Variants in MATR3 observed in about 807,000 individuals in gnomAD.
MATR3 encodes the protein matrin 3, also known as matrin-3.
A neutral mutation model predicts 85.5 loss-of-function variants in MATR3; 4 were observed. That is an observed-to-expected ratio of 0.05 (90% CI 0.02 to 0.11). The LOEUF is 0.11. Ranked by LOEUF, MATR3 falls within the 10% of genes least tolerant of loss-of-function variation. The pLI is 1.00. For synonymous variants in MATR3, 336 were observed against 343.1 expected (o/e 0.98, Z 0.23); for missense variants, 685 against 1,016.1 (o/e 0.67, Z 4.43).
intron 10 of MATR3, 33 bp from the exon 11 acceptor site, chr5:139,322,430 T>G (rs1755618855): frequency 6.3e-7 from 1 of 1,579,226 alleles, no homozygotes; most frequent in East Asian, 2.2e-5. Flanking sequence ...ATTCTGCAAA[T>G]GTGTTAACTT....
Position 139,330,762 on chromosome 5 carries a change from A to G in MATR3, c.*1367A>G, listed in dbSNP as rs1484378401. 2 of 454,114 alleles carry G rather than the reference A, an allele frequency of 4.4e-6. No individual in the cohort carries two copies. Among genetic ancestry groups the G allele is most frequent in the African/African-American group, 2.0e-5 (1 of 50,128 alleles). 28.1% of individuals were successfully genotyped at this position (454,114 alleles called of 1,614,324 possible). A position where few individuals can be genotyped will look rare whatever the true frequency, so the allele number is the denominator to read the frequency against. Reference sequence around the variant, plus strand: ...CTGCAGCTTTTCAAAATAATTACGTAGAGACTCTTGGTATATTGGATTATC... The same window carrying G: ...CTGCAGCTTTTCAAAATAATTACGTGGAGACTCTTGGTATATTGGATTATC... On this transcript the variant is annotated 3_prime_UTR_variant, in exon 15 of 15. Coordinates refer to ENST00000394805, the MANE Select transcript of MATR3 (RefSeq NM_018834.6).
chr5:139,315,646 T>C (rs778860132), intron 3 of MATR3, 51 bp from the exon 4 acceptor site: 5 of 1,263,786 alleles, frequency 4.0e-6, no homozygotes, highest in African/African-American at 2.9e-5. Context: ...CAAGGCTGTT[T>C]TGTGAAAAGG....
rs117699317 is a variant in MATR3 at position 139,314,539 on chromosome 5, A to G, written c.913-136A>G. 920 of 709,002 alleles carry G rather than the reference A, an allele frequency of 1.3e-3. 13 individuals are homozygous for G. In the East Asian group the frequency reaches 0.022, roughly 17 times the overall value. 43.9% of individuals were successfully genotyped at this position (709,002 alleles called of 1,614,324 possible). On this transcript the variant is annotated intron_variant, in intron 2 of 14. Coordinates refer to ENST00000394805, the MANE Select transcript of MATR3 (RefSeq NM_018834.6). The stretch of plus-strand genomic sequence containing the variant: ...AGAGAAATGGTTTTAAATTAAATCA[A>G]TGTGATTTAGTGAATGGGCAGGTGT...
chr5:139,306,973 T>C (rs1754743722), intron 1 of MATR3, among the ~76,000 whole-genome samples: 1 of 152,172 alleles, frequency 6.6e-6, no homozygotes, highest in African/African-American at 2.4e-5. Context: ...TACTCAGACA[T>C]CTAACCTTTC....
At chr5:139,294,055 G>T (rs960800389) in intron 1 of MATR3, 50 of 1,251,742 alleles carry the variant, frequency 4.0e-5, no homozygotes, top group Non-Finnish European at 4.7e-5. Flanking sequence ...GGAAACACGC[G>T]GCCGGCCAAG....
At chr5:139,283,871 T>C (rs1357395433) in intron 3 of MATR3, among the ~76,000 whole-genome samples, 3 of 152,248 alleles carry the variant, frequency 2.0e-5, no homozygotes, top group Non-Finnish European at 4.4e-5. Flanking sequence ...CTACACATGC[T>C]GTTTTTCCCT....
At chr5:139,325,259 G>T in intron 12 of MATR3, 181 bp from the exon 13 acceptor site, 1 of 1,549,756 alleles carries the variant, frequency 6.5e-7, no homozygotes, top group Non-Finnish European at 8.7e-7. Flanking sequence ...GATGCTGCAG[G>T]ATAATTGTTG....
At chr5:139,326,398 C>G (rs1755853040) in intron 14 of MATR3, 114 bp downstream of exon 14, 1 of 901,394 alleles carries the variant, frequency 1.1e-6, no homozygotes, top group South Asian at 1.6e-5. Flanking sequence ...GCAGTGCTTT[C>G]TCCTGAAGAT....
At chr5:139,297,835 G>A (rs1004207669) in intron 1 of MATR3, among the ~76,000 whole-genome samples, 2 of 152,182 alleles carry the variant, frequency 1.3e-5, no homozygotes, top group Non-Finnish European at 2.9e-5. Flanking sequence ...TTTAAAGTAT[G>A]CTTGCTCCCC....
intron 1 of MATR3, chr5:139,276,110 T>C (rs954090460): frequency 2.2e-6 from 1 of 456,626 alleles, no homozygotes; most frequent in African/African-American, 2.0e-5. Context: ...CCTGGAGTTG[T>C]TTCATTGCAG....
At chr5:139,288,286 CCTGTTATATTTCTTTTG>C (rs11267815) in intron 3 of MATR3, among the ~76,000 whole-genome samples, 20,643 of 152,160 alleles carry the variant, frequency 0.14, 1,926 homozygotes, top group East Asian at 0.46. Context: ...CCCCTAAGCA[CCTGTTATATTTCTTTTG>C]AATCTCCCAC....
At chr5:139,276,379 T>C (rs1017316355) in intron 2 of MATR3, 19 of 367,472 alleles carry the variant, frequency 5.2e-5, no homozygotes, top group South Asian at 3.2e-4. Context: ...ATTGGAAGGA[T>C]AAGAATTGTC....
chr5:139,291,045 G>A (rs1252966197), upstream of MATR3, among the ~76,000 whole-genome samples: 3 of 152,172 alleles, frequency 2.0e-5, no homozygotes, highest in African/African-American at 2.4e-5. Context: ...GCTTAAACCC[G>A]GGACGCAGAG....
chr5:139,307,700 C>G lies in MATR3; in HGVS notation c.285C>G (p.Leu95=). The part of the protein sequence containing the change: ...SIFNIGSRGP[L]PLSSQHRGDA... ...TTAACATTGGAAGTAGAGGTCCACT[C>G]CCTTTATCTTCTCAACACCGTGGAG... The change falls in exon 2 of 15, where the codon CTC becomes CTG. Residue 95 remains leucine (L), a synonymous_variant. Transcript: ENST00000394805. This position sits in a 1 kb window ranked among gnomAD's most constrained non-coding sequence, Gnocchi z 4.4. The G allele has an allele frequency of 6.2e-7, 1 of 1,614,132 alleles. No homozygotes were observed. The highest frequency in any genetic ancestry group is 8.5e-7 in the Non-Finnish European group (1 of 1,180,014).
chr5:139,324,111 G>T (rs549727617), intron 12 of MATR3, among the ~76,000 whole-genome samples: 2 of 152,006 alleles, frequency 1.3e-5, no homozygotes, highest in Non-Finnish European at 2.9e-5. Flanking sequence ...AATGCCATAC[G>T]TTTTTCTAAG....
chr5:139,293,599 G>C, upstream of MATR3: 1 of 185,562 alleles, frequency 5.4e-6, no homozygotes, highest in African/African-American at 2.3e-5. Flanking sequence ...CGAGGTGCGC[G>C]CGCTGAGTAG....
chr5:139,297,713 A>G (rs994952033), intron 1 of MATR3, among the ~76,000 whole-genome samples: 21 of 152,338 alleles, frequency 1.4e-4, no homozygotes, highest in Admixed American at 6.5e-4. Context: ...TTGTACATCA[A>G]GCCCTAATGT....
rs553687055 is a variant in MATR3 at position 139,315,732 on chromosome 5, A to G, written c.1010A>G (p.His337Arg). 89 of 1,610,514 alleles carry G rather than the reference A, an allele frequency of 5.5e-5. 1 individual carries two copies. The South Asian group carries it at 9.5e-4, about 17-fold the overall frequency. Residue 337 changes from histidine (H) to arginine (R), a missense_variant, in exon 4 of 15, where the codon CAC becomes CGC. By Grantham distance (29) the His-to-Arg change is conservative. Transcript: ENST00000394805. ...TGGAATCCTGACAATGATACAGGAC[A>G]CACAATGTAAGTTAAATTTTTTAAG... is the stretch of plus-strand genomic sequence containing the variant. Reference protein sequence around the residue: ...PEWNPDNDTGHTMGDPFMLQQ... With the variant: ...PEWNPDNDTGRTMGDPFMLQQ...
chr5:139,308,788 GA>G (rs2151962972), intron 2 of MATR3, among the ~76,000 whole-genome samples: 1 of 152,288 alleles, frequency 6.6e-6, no homozygotes, highest in African/African-American at 2.4e-5. Context: ...TGGCTACAGG[GA>G]AAGAGTTAAT....
Sources: gnomAD v4.1 joint callset for allele counts (sites outside exome capture counted in the v4.1 genomes callset) on GRCh38, gnomAD v4.1.1 for gene constraint, Gnocchi (gnomAD v3.1) non-coding constraint, MANE v1.5 for transcripts, NCBI Gene and HGNC (gene_info 2026-07-23, HGNC 2026-07-21) for gene names.